VAV3: variants seen among roughly 807,000 people sequenced by gnomAD.
The protein encoded by VAV3 is guanine nucleotide exchange factor VAV3.
A neutral mutation model predicts 131.2 loss-of-function variants in VAV3; 94 were observed. That is an observed-to-expected ratio of 0.72 (90% CI 0.61 to 0.85). The LOEUF (loss-of-function observed/expected upper bound fraction) is 0.85, where lower values mean the gene tolerates loss of function less well. Ranked by LOEUF, VAV3 falls within the 40% of genes least tolerant of loss-of-function variation. The pLI is 0.00. For missense variants in VAV3, 939 were observed against 1,002.7 expected (o/e 0.94, Z 0.86); for synonymous variants, 349 against 342.0 (o/e 1.02, Z -0.22).
intron 1 of VAV3, among the ~76,000 whole-genome samples, chr1:107,914,435 G>A (rs900822003): frequency 6.6e-6 from 1 of 152,196 alleles, no homozygotes; most frequent in African/African-American, 2.4e-5. Flanking sequence ...TCAGCCATGT[G>A]ATTTATAGGT....
At position 107,599,792 on chromosome 1, in the gene VAV3, C is replaced by A. The variant is rs115283147; in HGVS notation, c.2220+2605G>T. ...TCCAGATTTAAATTTAATTCCAGGC[C>A]CTATTGTGTTTCACAGATAGAAGAG... On this transcript the variant is annotated intron_variant, in intron 24 of 26. Transcript: ENST00000370056. Among the ~76,000 whole-genome samples, 171 of 151,406 alleles carry A rather than the reference C, an allele frequency of 1.1e-3. 1 individual carries two copies. Among genetic ancestry groups the A allele is most frequent in the African/African-American group, 4.1e-3 (170 of 41,284 alleles).
rs80156559 is a variant in VAV3, at chr1:107,574,408, A to G, written c.2351-210T>C. Among the ~76,000 whole-genome samples the G allele has an allele frequency of 7.0e-4, 107 of 152,364 alleles. 2 individuals are homozygous for G. In the East Asian group the frequency reaches 0.017, roughly 24 times the overall value. ...ATTCGCTTCATAAGTTTAAAGAACC[A>G]TTGTCCTGTTTTTCCATTCTTCATA... On this transcript the variant is annotated intron_variant, in intron 25 of 26. Coordinates refer to ENST00000370056, the MANE Select transcript of VAV3 (RefSeq NM_006113.5).
In VAV3 at chr1:107,944,906, A is replaced by C. The variant is rs112554691; in HGVS notation, c.204+19760T>G. 2.1e-3 allele frequency among the ~76,000 whole-genome samples: 322 copies of C among 152,278 alleles called. 1 individual carries two copies. The highest frequency in any genetic ancestry group is 7.4e-3 in the African/African-American group (307 of 41,574). Reference sequence around the variant, plus strand: ...CAGGAATGAGCGACTGTGCCCAGCCACAAAATGCAGTTTTGAACCTGCGGA... The same window carrying C: ...CAGGAATGAGCGACTGTGCCCAGCCCCAAAATGCAGTTTTGAACCTGCGGA... On this transcript the variant is annotated intron_variant, in intron 1 of 26. Transcript: ENST00000370056.
intron 2 of VAV3, among the ~76,000 whole-genome samples, chr1:107,809,600 A>G (rs936579390): frequency 2.0e-5 from 3 of 147,612 alleles, no homozygotes; most frequent in African/African-American, 7.6e-5. Flanking sequence ...ATTAAGGGAA[A>G]GGACCAGAAA....
Position 107,897,474 on chromosome 1 carries a change from T to C in VAV3, c.205-22457A>G, listed in dbSNP as rs111825067. On this transcript the variant is annotated intron_variant, in intron 1 of 26. Transcript: ENST00000370056. ...GCAACCAGGACCCAGAAAGGGCATA[T>C]GGAAAGCTGAGAATGCCACGAGGGA... Among the ~76,000 whole-genome samples the C allele has an allele frequency of 2.2e-3, 337 of 151,420 alleles. 2 individuals carry two copies. Among genetic ancestry groups the C allele is most frequent in the African/African-American group, 7.5e-3 (309 of 41,262 alleles).
rs116731046 is a variant in VAV3 at position 107,707,397 on chromosome 1, C to G, written c.1503-2336G>C. ...GTTAGTGAGTATAAAACAGGAATAC[C>G]AATAAAACCAAACTCATCAAGTGAT... On this transcript the variant is annotated intron_variant, in intron 15 of 26. Coordinates refer to ENST00000370056, the MANE Select transcript of VAV3 (RefSeq NM_006113.5). 6.5e-3 allele frequency among the ~76,000 whole-genome samples: 997 copies of G among 152,220 alleles called. 14 individuals carry two copies. The highest frequency in any genetic ancestry group is 0.022 in the African/African-American group (931 of 41,538).
chr1:107,656,649 T>C (rs939766595), intron 19 of VAV3, among the ~76,000 whole-genome samples: 14 of 152,206 alleles, frequency 9.2e-5, no homozygotes, highest in African/African-American at 3.4e-4. Flanking sequence ...CATAAGGTGG[T>C]AGATATCCCA....
rs202238122 is a variant in VAV3, at chr1:107,955,997, GA to G, written c.204+8668del. Reference sequence around the variant, plus strand: ...AAATATATCTCACATCAAATGAAGGGAACAACGGCATACATGCATGCAAATG... The same window carrying G: ...AAATATATCTCACATCAAATGAAGGGACAACGGCATACATGCATGCAAATG... On this transcript the variant is annotated intron_variant, in intron 1 of 26. Coordinates refer to ENST00000370056, the MANE Select transcript of VAV3 (RefSeq NM_006113.5). Among the ~76,000 whole-genome samples, 324 of 152,296 alleles carry G rather than the reference GA, an allele frequency of 2.1e-3. 15 individuals carry two copies. The East Asian group carries it at 0.054, about 25-fold the overall frequency.
chr1:107,681,097 C>T (rs11185160), intron 19 of VAV3, among the ~76,000 whole-genome samples: 12,627 of 152,164 alleles, frequency 0.083, 926 homozygotes, highest in African/African-American at 0.2. Context: ...TACCTTTGAA[C>T]ATGGCTCTGA....
At chr1:107,646,084 T>A (rs1655716970) in intron 19 of VAV3, among the ~76,000 whole-genome samples, 2 of 152,102 alleles carry the variant, frequency 1.3e-5, no homozygotes, top group African/African-American at 4.8e-5. Context: ...AGGCTTAAAA[T>A]CACCAGTTCC....
chr1:107,740,625 A>T (rs186859752), intron 15 of VAV3, among the ~76,000 whole-genome samples: 182 of 152,260 alleles, frequency 1.2e-3, no homozygotes, highest in African/African-American at 4.2e-3. Flanking sequence ...AAAAAATCAC[A>T]CTTCTACAAA....
At chr1:107,724,684 T>C (rs756408082) in intron 15 of VAV3, among the ~76,000 whole-genome samples, 2 of 152,000 alleles carry the variant, frequency 1.3e-5, no homozygotes, top group Non-Finnish European at 2.9e-5. Context: ...AAAAGATAAA[T>C]AGATGTTCCC....
intron 1 of VAV3, among the ~76,000 whole-genome samples, chr1:107,931,029 T>C (rs1481140357): frequency 6.6e-6 from 1 of 152,178 alleles, no homozygotes; most frequent in East Asian, 1.9e-4. Flanking sequence ...CTGATCTCGT[T>C]ACTACCTAGA....
chr1:107,602,363 G>A (rs1194397902), intron 24 of VAV3, 34 bp downstream of exon 24: 1 of 1,412,266 alleles, frequency 7.1e-7, no homozygotes, highest in Non-Finnish European at 9.6e-7. Flanking sequence ...GAAAAATAAG[G>A]ATCCCAGATT....
chr1:107,798,742 A>G (rs977134192), intron 2 of VAV3, among the ~76,000 whole-genome samples: 44 of 146,150 alleles, frequency 3.0e-4, no homozygotes, highest in Non-Finnish European at 4.4e-4. Context: ...AAAAAAAAAA[A>G]AAGAAGAACA....
Position 107,572,454 on chromosome 1 carries a change from A to T in VAV3, c.*877T>A, listed in dbSNP as rs921645000. Reference sequence around the variant, plus strand: ...TAATAGATACTGCTGCTATAAAATGACATAAATTATAGCCCTTGATCTGTT... The same window carrying T: ...TAATAGATACTGCTGCTATAAAATGTCATAAATTATAGCCCTTGATCTGTT... On this transcript the variant is annotated 3_prime_UTR_variant, in exon 27 of 27. Transcript: ENST00000370056. The T allele has an allele frequency of 2.0e-5, 3 of 152,598 alleles. No homozygotes were observed. The highest frequency in any genetic ancestry group is 2.1e-4 in the South Asian group (1 of 4,826). 9.5% of individuals were successfully genotyped at this position (152,598 alleles called of 1,614,324 possible). A position where few individuals can be genotyped will look rare whatever the true frequency, so the allele number is the denominator to read the frequency against.
rs1344728555 is a variant in VAV3, at chr1:107,843,375, T to TATAC, written c.321+31525_321+31526insGTAT. Reference sequence around the variant, plus strand: ...CCTTAGCACAACACAAATATATATATATATATATATATATAGTTAATAAAC... The same window carrying TATAC: ...CCTTAGCACAACACAAATATATATATATACATATATATATATATAGTTAATAAAC... On this transcript the variant is annotated intron_variant, in intron 2 of 26. Transcript: ENST00000370056. 4.1e-5 allele frequency among the ~76,000 whole-genome samples: 6 copies of TATAC among 147,456 alleles called. No individual in the cohort carries two copies. The South Asian group carries it at 1.1e-3, about 26-fold the overall frequency.
intron 1 of VAV3, among the ~76,000 whole-genome samples, chr1:107,884,934 T>C (rs2101044777): frequency 6.6e-6 from 1 of 152,144 alleles, no homozygotes; most frequent in Non-Finnish European, 1.5e-5. Context: ...TCAATGGAAA[T>C]AGTGGTGGTT....
At chr1:107,875,215 C>T (rs886793956) in intron 1 of VAV3, among the ~76,000 whole-genome samples, 198 bp from the exon 2 acceptor site, 1 of 152,138 alleles carries the variant, frequency 6.6e-6, no homozygotes, top group Non-Finnish European at 1.5e-5. Context: ...GTGACCAAGG[C>T]AATTTCTACC....
Sources: allele counts gnomAD v4.1 joint callset (sites outside exome capture counted in the v4.1 genomes callset), GRCh38; gene constraint gnomAD v4.1.1; transcripts MANE v1.5; gene names NCBI Gene and HGNC (gene_info 2026-07-23, HGNC 2026-07-21).